The following ACVR1 variants were observed in gnomAD, a reference collection of about 807,000 sequenced individuals.
ACVR1 encodes activin receptor type-1.
In ACVR1, 38 loss-of-function variants were observed where a neutral mutation model predicts 57.1. The ratio of observed to expected loss-of-function variants is 0.67; its 90% CI spans 0.51 to 0.87. The LOEUF is 0.87. Ranked by LOEUF, ACVR1 falls within the 40% of genes least tolerant of loss-of-function variation. The pLI, the probability that ACVR1 is intolerant of heterozygous loss-of-function variation, is 0.00. For missense variants in ACVR1, 463 were observed against 638.2 expected, an observed-to-expected ratio of 0.73 and a Z score of 2.96; for synonymous variants, 212 against 228.1, an observed-to-expected ratio of 0.93 and a Z score of 0.63.
At chr2:157,754,986 T>G (rs1027456772) in intron 9 of ACVR1, among the ~76,000 whole-genome samples, 6 of 152,076 alleles carry the variant, frequency 3.9e-5, no homozygotes, top group African/African-American at 1.4e-4. Context: ...ATACACCACA[T>G]AAACAGAAAT....
At chr2:157,856,260 C>T (rs1040766720) in intron 1 of ACVR1, among the ~76,000 whole-genome samples, 1 of 152,148 alleles carries the variant, frequency 6.6e-6, no homozygotes, top group Non-Finnish European at 1.5e-5. Context: ...CATATCCGTG[C>T]GGTCTGCTGT....
chr2:157,839,162 G>A (rs111448477), intron 1 of ACVR1, among the ~76,000 whole-genome samples: 2 of 152,200 alleles, frequency 1.3e-5, no homozygotes, highest in African/African-American at 2.4e-5. Context: ...ACTGGAAGCT[G>A]TGCCCAGAGC....
chr2:157,872,226 T>A (rs1038015892), intron 1 of ACVR1, among the ~76,000 whole-genome samples: 3 of 152,160 alleles, frequency 2.0e-5, no homozygotes, highest in African/African-American at 7.2e-5. Context: ...AAACAGGAGA[T>A]TCTGCGGATT....
At chr2:157,829,010 C>G (rs1688493069) in intron 1 of ACVR1, among the ~76,000 whole-genome samples, 1 of 152,118 alleles carries the variant, frequency 6.6e-6, no homozygotes, top group Non-Finnish European at 1.5e-5. Context: ...TCAAGTGATC[C>G]ACCTGCCTCA....
intron 9 of ACVR1, among the ~76,000 whole-genome samples, chr2:157,758,539 C>A (rs2105248404): frequency 6.6e-6 from 1 of 152,086 alleles, no homozygotes; most frequent in East Asian, 1.9e-4. Context: ...AACACTGGAG[C>A]ATTTTTATAC....
chr2:157,822,995 T>C (rs911709128), intron 1 of ACVR1, among the ~76,000 whole-genome samples: 1 of 152,208 alleles, frequency 6.6e-6, no homozygotes, highest in Non-Finnish European at 1.5e-5. Context: ...GCGTAGGATA[T>C]GTATACAGTA....
chr2:157,856,215 A>G (rs756567328), intron 1 of ACVR1, among the ~76,000 whole-genome samples: 194 of 152,248 alleles, frequency 1.3e-3, no homozygotes, highest in Non-Finnish European at 2.2e-3. Flanking sequence ...CCCCACTAAG[A>G]TATCATCAGC....
At position 157,738,625 on chromosome 2, in the gene ACVR1, A is replaced by C. The variant is rs1169013815; in HGVS notation, c.1265-55T>G. 3.1e-6 allele frequency: 5 copies of C among 1,613,308 alleles called. No individual in the cohort carries two copies. In the East Asian group the frequency reaches 1.1e-4, roughly 36 times the overall value. On this transcript the variant is annotated intron_variant, in intron 9 of 10. Coordinates refer to ENST00000434821, the MANE Select transcript of ACVR1 (RefSeq NM_001111067.4). Reference sequence around the variant, plus strand: ...TTAGCAAGAGAGTACAGGTTGCCCCAAGGTTTCATTGATGGGTGTCACAGG... The same window carrying C: ...TTAGCAAGAGAGTACAGGTTGCCCCCAGGTTTCATTGATGGGTGTCACAGG...
chr2:157,766,750 A>T (rs1685877187), intron 7 of ACVR1, among the ~76,000 whole-genome samples: 1 of 152,250 alleles, frequency 6.6e-6, no homozygotes, highest in South Asian at 2.1e-4. Context: ...CAAATATATG[A>T]GTATTTATGA....
At chr2:157,761,186 G>T in intron 8 of ACVR1, 109 bp from the exon 9 acceptor site, 1 of 1,032,188 alleles carries the variant, frequency 9.7e-7, no homozygotes, top group Non-Finnish European at 1.5e-6. Context: ...TGGATCCAGG[G>T]TCACTGTTGC....
chr2:157,764,192 A>T (rs560322054), intron 8 of ACVR1, among the ~76,000 whole-genome samples: 56 of 151,146 alleles, frequency 3.7e-4, no homozygotes, highest in Non-Finnish European at 3.0e-4. Context: ...CTATATATAT[A>T]TTTTTTTTTA....
chr2:157,765,296 C>G (rs1241298267), intron 8 of ACVR1, among the ~76,000 whole-genome samples: 1 of 152,064 alleles, frequency 6.6e-6, no homozygotes. Context: ...ATTCTTTTGC[C>G]TTGGTTACAG....
intron 2 of ACVR1, among the ~76,000 whole-genome samples, chr2:157,808,910 C>T (rs1330213341): frequency 2.1e-5 from 3 of 145,696 alleles, no homozygotes; most frequent in African/African-American, 7.5e-5. Flanking sequence ...AAAGTAGTAA[C>T]ATTTCTGAAT....
chr2:157,835,659 C>T (rs1265275292), intron 1 of ACVR1, among the ~76,000 whole-genome samples: 3 of 152,138 alleles, frequency 2.0e-5, no homozygotes, highest in Admixed American at 6.5e-5. Context: ...AATTTCTTTA[C>T]CTCAATAATG....
intron 2 of ACVR1, among the ~76,000 whole-genome samples, chr2:157,816,080 C>A (rs1207606193): frequency 6.6e-6 from 1 of 152,034 alleles, no homozygotes; most frequent in Non-Finnish European, 1.5e-5. Context: ...CCAAGTCAAG[C>A]CAAAAAGCAA....
chr2:157,873,951 T>C (rs1178999095), intron 1 of ACVR1, among the ~76,000 whole-genome samples: 2 of 152,242 alleles, frequency 1.3e-5, no homozygotes, highest in African/African-American at 4.8e-5. Flanking sequence ...TCCTCACAGA[T>C]AACAACAAAC....
intron 9 of ACVR1, among the ~76,000 whole-genome samples, chr2:157,748,187 C>CTGCAACACAGGGAACGGGTT (rs1473129625): frequency 4.6e-5 from 7 of 152,296 alleles, no homozygotes; most frequent in Non-Finnish European, 1.0e-4. Flanking sequence ...GGGTTTATGC[C>CTGCAACACAGGGAACGGGTT]TGCAACACAG....
intron 1 of ACVR1, among the ~76,000 whole-genome samples, chr2:157,830,401 T>G (rs1688541014): frequency 6.6e-6 from 1 of 152,152 alleles, no homozygotes; most frequent in Non-Finnish European, 1.5e-5. Flanking sequence ...TTCAGTGTTG[T>G]CATGGCTTTT....
At chr2:157,851,407 T>C (rs758386036) in intron 1 of ACVR1, among the ~76,000 whole-genome samples, 1 of 152,018 alleles carries the variant, frequency 6.6e-6, no homozygotes, top group African/African-American at 2.4e-5. Context: ...GTCAGGAATA[T>C]TGCAATCAGC....
Sources: allele counts gnomAD v4.1 joint callset (sites outside exome capture counted in the v4.1 genomes callset), GRCh38; gene constraint gnomAD v4.1.1; transcripts MANE v1.5; gene names NCBI Gene and HGNC (gene_info 2026-07-23, HGNC 2026-07-21).